The following CCSAP variants were observed in gnomAD, a reference collection of about 807,000 sequenced individuals.
The protein encoded by CCSAP is centriole, cilia and spindle associated protein, also known as centriole, cilia and spindle-associated protein.
In CCSAP, 17 loss-of-function variants were observed where a neutral mutation model predicts 25.9. The ratio of observed to expected loss-of-function variants is 0.66; its 90% CI spans 0.45 to 0.99. The LOEUF is 0.99. Ranked by LOEUF, CCSAP falls within the 50% of genes least tolerant of loss-of-function variation. The probability of loss-of-function intolerance (pLI) is 0.00; values close to 1 mark genes in which losing one functional copy is unlikely to be tolerated. For synonymous variants in CCSAP, 169 were observed against 157.1 expected (o/e 1.08, Z -0.57); for missense variants, 339 against 367.8 (o/e 0.92, Z 0.64).
At chr1:229,339,215 T>G (rs1395714311) in intron 2 of CCSAP, among the ~76,000 whole-genome samples, 1 of 150,978 alleles carries the variant, frequency 6.6e-6, no homozygotes, top group African/African-American at 2.4e-5. Flanking sequence ...CAGATCTAGA[T>G]CAAGGAAAAA....
intron 2 of CCSAP, among the ~76,000 whole-genome samples, chr1:229,330,940 T>A (rs908191218): frequency 2.0e-5 from 3 of 151,274 alleles, no homozygotes; most frequent in Non-Finnish European, 4.4e-5. Flanking sequence ...TGGTCACTGG[T>A]GCCAGAGGGG....
chr1:229,339,092 T>C (rs1251961047), intron 2 of CCSAP, among the ~76,000 whole-genome samples: 2 of 75,468 alleles, frequency 2.7e-5, no homozygotes, highest in Admixed American at 1.2e-4. Context: ...AAAAAAGAAA[T>C]GGGAAAAAAA....
chr1:229,334,299 C>A (rs576721275), intron 2 of CCSAP, among the ~76,000 whole-genome samples: 1 of 152,172 alleles, frequency 6.6e-6, no homozygotes, highest in Admixed American at 6.5e-5. Context: ...TATATGTTTT[C>A]TTTAAAAAAT....
At chr1:229,328,218 C>A (rs888229074) in intron 2 of CCSAP, among the ~76,000 whole-genome samples, 3 of 152,200 alleles carry the variant, frequency 2.0e-5, no homozygotes, top group African/African-American at 7.2e-5. Flanking sequence ...TGGGGCTCCA[C>A]CTGAGGTGCC....
rs1029776524 is a variant in CCSAP at position 229,342,213 on chromosome 1, CGGGCGGCGGGGGCGA to C, written c.238_252del (p.Ser80_Pro84del). 8.0e-7 allele frequency: 1 copy of C among 1,252,590 alleles called. No homozygotes were observed. The highest frequency in any genetic ancestry group is 1.6e-5 in the African/African-American group (1 of 64,158). 77.6% of individuals were successfully genotyped at this position (1,252,590 alleles called of 1,614,324 possible). On this transcript the variant is annotated inframe_deletion, in exon 2 of 4. Coordinates refer to ENST00000284617, the MANE Select transcript of CCSAP (RefSeq NM_145257.5). The surrounding 1 kb of genome is among the most constrained non-coding windows in gnomAD (Gnocchi z 7.5). ...GCCTCCTCCTGGGTCGCCGGCTCTA[CGGGCGGCGGGGGCGA>C]GGGCGGGGCGCACCGGGGTGCGGGG...
intron 3 of CCSAP, among the ~76,000 whole-genome samples, chr1:229,326,053 AG>A (rs1657934208): frequency 6.6e-6 from 1 of 152,212 alleles, no homozygotes; most frequent in Non-Finnish European, 1.5e-5. Flanking sequence ...CCTTAAACGC[AG>A]CCTTTGCTTT....
intron 2 of CCSAP, among the ~76,000 whole-genome samples, chr1:229,341,332 G>C (rs1357892200): frequency 6.6e-6 from 1 of 152,004 alleles, no homozygotes; most frequent in Non-Finnish European, 1.5e-5. Context: ...TTCCTCACTC[G>C]AGCCTTTTTA....
chr1:229,331,799 A>T (rs981091750), intron 2 of CCSAP, among the ~76,000 whole-genome samples: 24 of 122,010 alleles, frequency 2.0e-4, no homozygotes, highest in Non-Finnish European at 4.1e-4. Context: ...TATTATTATT[A>T]TTATTATTAT....
Position 229,342,470 on chromosome 1 carries a change from C to T in CCSAP, c.-5G>A, listed in dbSNP as rs1424252600. 3.0e-6 allele frequency: 4 copies of T among 1,337,686 alleles called. No homozygotes were observed. The highest frequency in any genetic ancestry group is 3.0e-5 in the Admixed American group (1 of 33,256). 82.9% of individuals were successfully genotyped at this position (1,337,686 alleles called of 1,614,324 possible). On this transcript the variant is annotated 5_prime_UTR_variant, in exon 2 of 4. Transcript: ENST00000284617. The surrounding 1 kb of genome is among the most constrained non-coding windows in gnomAD (Gnocchi z 7.5). Reference sequence around the variant, plus strand: ...CACCCCGCTCCCCGGGGACATGGTGCCGTCCGCCGCCTCGAGCGCCAGCCG... The same window carrying T: ...CACCCCGCTCCCCGGGGACATGGTGTCGTCCGCCGCCTCGAGCGCCAGCCG...
rs757188577 is a variant in CCSAP, at chr1:229,326,768, G to A, written c.606C>T (p.His202=). Reference sequence around the variant, plus strand: ...GCACAGGAGCGGACGCACAGACGTTGTGAGTCTTCTGGCTTCCTGTATCGG... The same window carrying A: ...GCACAGGAGCGGACGCACAGACGTTATGAGTCTTCTGGCTTCCTGTATCGG... ...KQTDTGSQKT[H]NVCASAPVHE... The change falls in exon 3 of 4, where the codon CAC becomes CAT. Residue 202 remains histidine (H), a synonymous_variant. Coordinates refer to ENST00000284617, the MANE Select transcript of CCSAP (RefSeq NM_145257.5). 19 of 1,614,122 alleles carry A rather than the reference G, an allele frequency of 1.2e-5. No homozygotes were observed. In the East Asian group the frequency reaches 4.2e-4, roughly 36 times the overall value.
chr1:229,340,027 A>G (rs1275062392), intron 2 of CCSAP, among the ~76,000 whole-genome samples: 8 of 152,232 alleles, frequency 5.3e-5, no homozygotes, highest in African/African-American at 1.9e-4. Context: ...AGGAAAAACC[A>G]GGGTGTTATG....
At chr1:229,328,366 T>A (rs1312257257) in intron 2 of CCSAP, among the ~76,000 whole-genome samples, 1 of 152,188 alleles carries the variant, frequency 6.6e-6, no homozygotes, top group African/African-American at 2.4e-5. Flanking sequence ...AGTGGTGCGA[T>A]CATGGCTTAT....
At chr1:229,338,746 C>T (rs1443080051) in intron 2 of CCSAP, among the ~76,000 whole-genome samples, 1 of 151,960 alleles carries the variant, frequency 6.6e-6, no homozygotes, top group East Asian at 1.9e-4. Flanking sequence ...GAGAAGAAAA[C>T]AAACGAAAAA....
intron 2 of CCSAP, among the ~76,000 whole-genome samples, chr1:229,339,527 G>A (rs1658281276): frequency 6.6e-6 from 1 of 152,058 alleles, no homozygotes; most frequent in South Asian, 2.1e-4. Context: ...CCAAGAAGGG[G>A]TAAACCAAGA....
chr1:229,327,884 AAAAG>A (rs1657982569), intron 2 of CCSAP, among the ~76,000 whole-genome samples: 1 of 143,294 alleles, frequency 7.0e-6, no homozygotes, highest in Admixed American at 6.8e-5. Flanking sequence ...AAAAAAAAAA[AAAAG>A]AGGGCCCCAG....
At chr1:229,327,736 G>A (rs533925893) in intron 2 of CCSAP, among the ~76,000 whole-genome samples, 20 of 152,170 alleles carry the variant, frequency 1.3e-4, no homozygotes, top group African/African-American at 1.4e-4. Flanking sequence ...AGGCATGGTG[G>A]TGCATGCCTG....
In CCSAP at chr1:229,325,115, A is replaced by T; in HGVS notation, c.*120T>A. 1 of 1,018,592 alleles carries T rather than the reference A, an allele frequency of 9.8e-7. No individual in the cohort carries two copies. The highest frequency in any genetic ancestry group is 2.8e-5 in the Admixed American group (1 of 36,054). 63.1% of individuals were successfully genotyped at this position (1,018,592 alleles called of 1,614,324 possible). A position where few individuals can be genotyped will look rare whatever the true frequency, so the allele number is the denominator to read the frequency against. ...CAATCTTTTACAAATTCCCTAAAAA[A>T]AACCTTGCATAATCAGTTGGTTTCT... On this transcript the variant is annotated 3_prime_UTR_variant, in exon 4 of 4. Coordinates refer to ENST00000284617, the MANE Select transcript of CCSAP (RefSeq NM_145257.5).
chr1:229,341,998 C>G (rs943494038), intron 2 of CCSAP, 101 bp downstream of exon 2: 10 of 1,233,508 alleles, frequency 8.1e-6, no homozygotes, highest in Non-Finnish European at 8.1e-6. Context: ...AAAGGAAGAG[C>G]CAGCCCCGAG....
intron 2 of CCSAP, chr1:229,327,435 AC>A: frequency 2.3e-6 from 1 of 432,816 alleles, no homozygotes; most frequent in Non-Finnish European, 4.7e-6. Flanking sequence ...GAGTTACTCC[AC>A]CCGAAAATGC....
Sources: allele counts gnomAD v4.1 joint callset (sites outside exome capture counted in the v4.1 genomes callset), GRCh38; gene constraint gnomAD v4.1.1; non-coding constraint Gnocchi (gnomAD v3.1); transcripts MANE v1.5; gene names NCBI Gene and HGNC (gene_info 2026-07-23, HGNC 2026-07-21).